OGFR: variants seen among roughly 807,000 people sequenced by gnomAD.
OGFR encodes protein 7-60.
In OGFR, 18 loss-of-function variants were observed where a neutral mutation model predicts 33.6. The observed-to-expected ratio is 0.54, with a 90% CI of 0.37 to 0.80. The LOEUF (loss-of-function observed/expected upper bound fraction) is 0.80, where lower values mean the gene tolerates loss of function less well. OGFR is among the 30% of genes least tolerant of loss of function. The pLI is 0.00. For synonymous variants in OGFR, 370 were observed against 400.7 expected (o/e 0.92, Z 0.91); for missense variants, 877 against 955.8 (o/e 0.92, Z 1.09).
intron 5 of OGFR, 139 bp from the exon 6 acceptor site, chr20:62,811,323 C>T: frequency 2.1e-6 from 2 of 974,888 alleles, no homozygotes; most frequent in South Asian, 1.6e-5. Context: ...CAGAGCAAGA[C>T]TCTGTCTCTA....
chr20:62,807,091 C>T lies in OGFR; in HGVS notation c.172-446C>T, dbSNP rs73317075. 6.4e-3 allele frequency: 1,148 copies of T among 178,000 alleles called. 21 individuals carry two copies. Among genetic ancestry groups the T allele is most frequent in the African/African-American group, 0.025 (1,050 of 42,280 alleles). 11.0% of individuals were successfully genotyped at this position (178,000 alleles called of 1,614,324 possible). Reference sequence around the variant, plus strand: ...GAGGCCACTGCCCCCAAGAACACAGCCTGGTGACTTTAGTGTACAAAGCAG... The same window carrying T: ...GAGGCCACTGCCCCCAAGAACACAGTCTGGTGACTTTAGTGTACAAAGCAG... On this transcript the variant is annotated intron_variant, in intron 1 of 6. Transcript: ENST00000290291.
chr20:62,810,421 G>A lies in OGFR; in HGVS notation c.399-78G>A, dbSNP rs958195364. ...ACCCAGAGGGGATTGGAACTGCCCCGGGCTACACAGCGAGCACCTGCCCAA... is the reference window on the plus strand; with the variant it reads ...ACCCAGAGGGGATTGGAACTGCCCCAGGCTACACAGCGAGCACCTGCCCAA... On this transcript the variant is annotated intron_variant, in intron 4 of 6. Transcript: ENST00000290291. The A allele has an allele frequency of 7.0e-6, 10 of 1,431,832 alleles. No homozygotes were observed. The African/African-American group carries it at 7.0e-5, about 10-fold the overall frequency. 88.7% of individuals were successfully genotyped at this position (1,431,832 alleles called of 1,614,324 possible). A position where few individuals can be genotyped will look rare whatever the true frequency, so the allele number is the denominator to read the frequency against.
chr20:62,813,161 G>A lies in OGFR; in HGVS notation c.1546G>A (p.Gly516Arg). The A allele has an allele frequency of 1.3e-6, 2 of 1,588,648 alleles. No individual in the cohort carries two copies. Among genetic ancestry groups the A allele is most frequent in the Non-Finnish European group, 1.7e-6 (2 of 1,168,162 alleles). The change falls in exon 7 of 7, where the codon GGG (glycine) becomes AGG (arginine). Residue 516 changes from glycine to arginine, a missense_variant. Physicochemically the swap from Gly to Arg is moderately radical, Grantham distance 125 (BLOSUM62 -2). Transcript: ENST00000290291. Reference sequence around the variant, plus strand: ...AACGGGGCCCAAAGAAGGTACCCCTGGGAGCCCATCGGAGACCCCAGGCCC... The same window carrying A: ...AACGGGGCCCAAAGAAGGTACCCCTAGGAGCCCATCGGAGACCCCAGGCCC... ...GRTGPKEGTPGSPSETPGPSP... is the reference protein window; with the variant it reads ...GRTGPKEGTPRSPSETPGPSP...
chr20:62,813,329 G>T lies in OGFR; in HGVS notation c.1714G>T (p.Asp572Tyr). ...CCCCCGCCCGGCAGGACCTGCAGGG[G>T]ACGAGCCAGCCGAGAGCCCATCGGA... ...PGPRPAGPAGDEPAESPSETP... is the reference protein window; with the variant it reads ...PGPRPAGPAGYEPAESPSETP... The change falls in exon 7 of 7, where the codon GAC (aspartate) becomes TAC (tyrosine). Residue 572 changes from aspartate (D) to tyrosine (Y), a missense_variant. By Grantham distance (160) the Asp-to-Tyr change is radical (BLOSUM62 -3). Coordinates refer to ENST00000290291, the MANE Select transcript of OGFR (RefSeq NM_007346.4). 7.4e-7 allele frequency: 1 copy of T among 1,345,230 alleles called. No homozygotes were observed. Among genetic ancestry groups the T allele is most frequent in the Non-Finnish European group, 1.0e-6 (1 of 996,676 alleles). The allele number at this position is 1,345,230 out of a possible 1,614,324, so 83.3% of individuals were successfully genotyped here.
At chr20:62,810,588 C>G in intron 5 of OGFR, 23 bp downstream of exon 5, 1 of 1,610,314 alleles carries the variant, frequency 6.2e-7, no homozygotes, top group Non-Finnish European at 8.5e-7. Context: ...TTGGCTGTGA[C>G]TGGAGGGGAA....
chr20:62,812,786 C>T lies in OGFR; in HGVS notation c.1171C>T (p.Arg391Trp), dbSNP rs781648056. 2.4e-5 allele frequency: 38 copies of T among 1,612,364 alleles called. No individual in the cohort carries two copies. Among genetic ancestry groups the T allele is most frequent in the South Asian group, 2.1e-4 (19 of 91,088 alleles). The part of the protein sequence containing the change: ...ESKKRKLELS[R>W]REQPPTEPGP... ...CAAGAAGAGGAAGCTGGAGCTGAGC[C>T]GGCGGGAGCAGCCGCCCACAGAGCC... The change falls in exon 7 of 7, where the codon CGG becomes TGG. Residue 391 changes from arginine to tryptophan, a missense_variant. Transcript: ENST00000290291.
At chr20:62,810,616 A>C (rs767173167) in intron 5 of OGFR, 51 bp downstream of exon 5, 11 of 1,565,678 alleles carry the variant, frequency 7.0e-6, no homozygotes, top group African/African-American at 1.4e-5. Flanking sequence ...AGGCCTGGGC[A>C]AGCCACGCCG....
intron 4 of OGFR, 50 bp downstream of exon 4, chr20:62,809,713 A>T: frequency 8.4e-7 from 1 of 1,197,404 alleles, no homozygotes; most frequent in Non-Finnish European, 1.2e-6. Flanking sequence ...CCACAGGGGG[A>T]GGGCCCTCCC....
rs201984224 is a variant in OGFR, at chr20:62,811,648, G to A, written c.614+38G>A. On this transcript the variant is annotated intron_variant, in intron 6 of 6. Transcript: ENST00000290291. ...TGCTCCCGCCCACCCCCACCCCGGCGCAGAACAGGGCCACGTCAGGTTTCG... is the reference window on the plus strand; with the variant it reads ...TGCTCCCGCCCACCCCCACCCCGGCACAGAACAGGGCCACGTCAGGTTTCG... 1.8e-3 allele frequency: 1,991 copies of A among 1,124,102 alleles called. 3 individuals carry two copies. Among genetic ancestry groups the A allele is most frequent in the Non-Finnish European group, 2.2e-3 (1,795 of 821,326 alleles). 69.6% of individuals were successfully genotyped at this position (1,124,102 alleles called of 1,614,324 possible).
At chr20:62,809,528 C>G (rs1314438278) in intron 3 of OGFR, 57 bp from the exon 4 acceptor site, 15 of 1,379,310 alleles carry the variant, frequency 1.1e-5, no homozygotes, top group Non-Finnish European at 1.4e-5. Context: ...ACACCCCGTC[C>G]TCCTGAGCAC....
intron 5 of OGFR, among the ~76,000 whole-genome samples, chr20:62,811,045 G>T (rs1054559651): frequency 4.6e-5 from 7 of 152,222 alleles, no homozygotes; most frequent in Non-Finnish European, 1.0e-4. Flanking sequence ...GCATGAGTGT[G>T]TCTCTTGTCA....
intron 4 of OGFR, among the ~76,000 whole-genome samples, chr20:62,809,995 G>A (rs1990687525): frequency 1.3e-5 from 2 of 152,230 alleles, no homozygotes; most frequent in South Asian, 2.1e-4. Flanking sequence ...CTCAAGGGGC[G>A]GCCCCCGTCT....
Position 62,813,594 on chromosome 20 carries a change from C to T in OGFR, c.1979C>T (p.Ala660Val), listed in dbSNP as rs747661226. 1.9e-6 allele frequency: 3 copies of T among 1,612,888 alleles called. No individual in the cohort carries two copies. The highest frequency in any genetic ancestry group is 2.5e-6 in the Non-Finnish European group (3 of 1,179,956). ...TRDEPAKAGEAAELQDAEVES... is the reference protein window; with the variant it reads ...TRDEPAKAGEVAELQDAEVES... ...GATGAGCCAGCCAAGGCGGGGGAGG[C>T]AGCAGAGTTGCAGGACGCAGAGGTG... is the stretch of plus-strand genomic sequence containing the variant. Residue 660 changes from alanine to valine, a missense_variant, in exon 7 of 7, where the codon GCA (alanine) becomes GTA (valine). By Grantham distance (64) the Ala-to-Val change is moderately conservative (BLOSUM62 0). Around this residue, in one of 3 missense-constraint regions of OGFR, gnomAD observed 45 missense variants for 38.0 expected, o/e 1.19. Coordinates refer to ENST00000290291, the MANE Select transcript of OGFR (RefSeq NM_007346.4).
chr20:62,804,889 G>GGAGGAGGAC lies in OGFR; in HGVS notation c.39_47dup (p.Glu14_Asp16dup). On this transcript the variant is annotated inframe_insertion, in exon 1 of 7. Transcript: ENST00000290291. ...ACGACCCCGACTGCGACTCCACCTG[G>GGAGGAGGAC]GAGGAGGACGAGGAGGATGCGGAGG... 2.7e-6 allele frequency: 4 copies of GGAGGAGGAC among 1,495,570 alleles called. No individual in the cohort carries two copies. The highest frequency in any genetic ancestry group is 2.3e-5 in the Admixed American group (1 of 44,436). The allele number at this position is 1,495,570 out of a possible 1,614,324, so 92.6% of individuals were successfully genotyped here.
chr20:62,813,544 C>G lies in OGFR; in HGVS notation c.1929C>G (p.Gly643=), dbSNP rs548713678. The G allele has an allele frequency of 1.2e-6, 2 of 1,605,580 alleles. No homozygotes were observed. Among genetic ancestry groups the G allele is most frequent in the African/African-American group, 2.8e-5 (2 of 71,600 alleles). ...EPAESPSETP[G]PSPAGPTRDE... ...CCGAGAGCCCATCGGAGACCCCAGG[C>G]CCCAGCCCGGCAGGACCTACAAGGG... Residue 643 remains glycine (G), a synonymous_variant, in exon 7 of 7, where the codon GGC becomes GGG. Coordinates refer to ENST00000290291, the MANE Select transcript of OGFR (RefSeq NM_007346.4).
intron 1 of OGFR, 35 bp downstream of exon 1, chr20:62,805,065 C>G: frequency 7.8e-7 from 1 of 1,283,114 alleles, no homozygotes; most frequent in Non-Finnish European, 9.8e-7. Flanking sequence ...GCCTGGGGTC[C>G]CCGGCGCCCC....
intron 1 of OGFR, chr20:62,807,292 C>G: frequency 3.6e-6 from 2 of 555,940 alleles, no homozygotes; most frequent in Admixed American, 3.3e-5. Context: ...AGCCCCCCAC[C>G]TGGCTACCGC....
Position 62,811,626 on chromosome 20 carries a change from T to TGGGGC in OGFR, c.614+16_614+17insGGGGC. 1 of 1,502,520 alleles carries TGGGGC rather than the reference T, an allele frequency of 6.7e-7. No homozygotes were observed. Among genetic ancestry groups the TGGGGC allele is most frequent in the Non-Finnish European group, 9.0e-7 (1 of 1,110,114 alleles). The allele number at this position is 1,502,520 out of a possible 1,614,324, so 93.1% of individuals were successfully genotyped here. A position where few individuals can be genotyped will look rare whatever the true frequency, so the allele number is the denominator to read the frequency against. On this transcript the variant is annotated intron_variant, in intron 6 of 6. Transcript: ENST00000290291. ...ACCTGAACTGGTGAGGCCCGGCTGC[T>TGGGGC]CCCGCCCACCCCCACCCCGGCGCAG...
chr20:62,812,175 G>A (rs1030360995), intron 6 of OGFR, 55 bp from the exon 7 acceptor site: 190 of 1,423,204 alleles, frequency 1.3e-4, no homozygotes, highest in African/African-American at 5.8e-4. Context: ...GGCGGGGTGC[G>A]GCCCAGCAGG....
Sources: allele counts gnomAD v4.1 joint callset (sites outside exome capture counted in the v4.1 genomes callset), GRCh38; gene constraint gnomAD v4.1.1; regional missense constraint gnomAD v4.1.1; transcripts MANE v1.5; gene names NCBI Gene and HGNC (gene_info 2026-07-23, HGNC 2026-07-21).